The following CA10 variants were observed in gnomAD, a reference collection of about 807,000 sequenced individuals.
The protein encoded by CA10 is carbonic anhydrase-related protein 10.
Under a neutral mutation model 44.2 loss-of-function variants are expected in CA10, and 14 were observed. That is an observed-to-expected ratio of 0.32 (90% CI 0.21 to 0.50). The LOEUF is 0.50. CA10 is among the 20% of genes least tolerant of loss of function. CA10 has a pLI of 0.99. For missense variants in CA10, 350 were observed against 409.7 expected (o/e 0.85, Z 1.26); for synonymous variants, 159 against 141.6 (o/e 1.12, Z -0.87).
chr17:51,828,551 G>A lies in CA10; in HGVS notation c.280-80733C>T, dbSNP rs548329898. The stretch of plus-strand genomic sequence containing the variant: ...TAAAAAAAAAATTTACTGAATGAAC[G>A]AATTCCTAGGACTTATTATAGCCAA... On this transcript the variant is annotated intron_variant, in intron 3 of 8. Transcript: ENST00000451037. Among the ~76,000 whole-genome samples, 34 of 151,882 alleles carry A rather than the reference G, an allele frequency of 2.2e-4. No homozygotes were observed. The South Asian group carries it at 6.5e-3, about 29-fold the overall frequency.
At chr17:51,909,686 G>A (rs1981710448) in intron 3 of CA10, among the ~76,000 whole-genome samples, 1 of 152,018 alleles carries the variant, frequency 6.6e-6, no homozygotes, top group South Asian at 2.1e-4. Context: ...TCAACTGGAG[G>A]CTCAGCTTTT....
intron 3 of CA10, among the ~76,000 whole-genome samples, chr17:51,860,515 AG>A (rs752073523): frequency 7.9e-5 from 12 of 152,206 alleles, no homozygotes; most frequent in Non-Finnish European, 1.5e-4. Context: ...GAATAACTGG[AG>A]GAAAGAACCA....
intron 3 of CA10, among the ~76,000 whole-genome samples, chr17:51,912,422 C>T (rs1463445030): frequency 6.6e-6 from 1 of 152,126 alleles, no homozygotes; most frequent in African/African-American, 2.4e-5. Flanking sequence ...TTCATGCATC[C>T]TGCCAACTTC....
chr17:51,828,134 G>C (rs918210899), intron 3 of CA10, among the ~76,000 whole-genome samples: 2 of 152,198 alleles, frequency 1.3e-5, no homozygotes, highest in African/African-American at 4.8e-5. Flanking sequence ...GAATTCATCT[G>C]TTACTGTGTC....
chr17:51,931,927 A>G (rs918814747), intron 2 of CA10, among the ~76,000 whole-genome samples: 15 of 152,126 alleles, frequency 9.9e-5, no homozygotes, highest in African/African-American at 3.6e-4. Flanking sequence ...TACTAATTTT[A>G]TATCAGTGAA....
chr17:51,633,018 A>G (rs1279738878), intron 8 of CA10, among the ~76,000 whole-genome samples: 1 of 152,200 alleles, frequency 6.6e-6, no homozygotes. Context: ...TCTTTCTTCC[A>G]TATACTTAAA....
At chr17:52,011,745 T>TACAA (rs1437569043) in intron 2 of CA10, among the ~76,000 whole-genome samples, 1 of 152,022 alleles carries the variant, frequency 6.6e-6, no homozygotes, top group Non-Finnish European at 1.5e-5. Context: ...GAGATCATGA[T>TACAA]ACAAACAAGG....
In CA10 at chr17:51,635,065, T is replaced by A. The variant is rs142643540; in HGVS notation, c.789+790A>T. Among the ~76,000 whole-genome samples the A allele has an allele frequency of 4.2e-4, 64 of 152,270 alleles. 2 individuals carry two copies. In the East Asian group the frequency reaches 0.012, roughly 29 times the overall value. On this transcript the variant is annotated intron_variant, in intron 7 of 8. Transcript: ENST00000451037. ...GAAGGTACTGGTAACCCCTAGTTGC[T>A]CAGAATGTGACCTTATTTGGAAATA...
intron 3 of CA10, among the ~76,000 whole-genome samples, chr17:51,802,661 C>T (rs1266658341): frequency 6.6e-6 from 1 of 151,420 alleles, no homozygotes; most frequent in Non-Finnish European, 1.5e-5. Context: ...AGGAAGGTTG[C>T]TGAGTCTGGA....
intron 1 of CA10, among the ~76,000 whole-genome samples, chr17:52,154,049 G>A (rs1255030403): frequency 2.0e-5 from 3 of 152,036 alleles, no homozygotes; most frequent in Admixed American, 6.6e-5. Flanking sequence ...TGATTGACAG[G>A]GTAATGTACA....
chr17:51,685,584 T>C (rs1288025687), intron 4 of CA10, among the ~76,000 whole-genome samples: 1 of 152,188 alleles, frequency 6.6e-6, no homozygotes, highest in Non-Finnish European at 1.5e-5. Context: ...CCCAGATCAC[T>C]GAAGGACTTG....
chr17:51,666,470 C>T (rs934374647), intron 4 of CA10, among the ~76,000 whole-genome samples: 4 of 152,134 alleles, frequency 2.6e-5, no homozygotes, highest in Admixed American at 1.3e-4. Flanking sequence ...TTCTGACACT[C>T]GATTGAAAAC....
chr17:51,809,981 T>A (rs759411342), intron 3 of CA10, among the ~76,000 whole-genome samples: 2 of 152,218 alleles, frequency 1.3e-5, no homozygotes, highest in Non-Finnish European at 2.9e-5. Context: ...TAAGCCATCA[T>A]CCATCTTGGA....
At chr17:51,898,335 T>C (rs560536502) in intron 3 of CA10, among the ~76,000 whole-genome samples, 4 of 152,304 alleles carry the variant, frequency 2.6e-5, no homozygotes, top group East Asian at 3.9e-4. Flanking sequence ...TTAGTTCTGC[T>C]TATGTGATAA....
At chr17:51,907,158 C>T (rs996109719) in intron 3 of CA10, among the ~76,000 whole-genome samples, 101 of 152,248 alleles carry the variant, frequency 6.6e-4, no homozygotes, top group Admixed American at 4.5e-3. Flanking sequence ...AACCTGAATT[C>T]GCCCTCTGCT....
intron 4 of CA10, among the ~76,000 whole-genome samples, chr17:51,726,814 G>C (rs1388047928): frequency 6.6e-6 from 1 of 152,142 alleles, no homozygotes; most frequent in Non-Finnish European, 1.5e-5. Flanking sequence ...GCCAGAAAAA[G>C]ACTTTAGAGA....
At chr17:52,137,997 T>A (rs1459813783) in intron 1 of CA10, among the ~76,000 whole-genome samples, 1 of 152,210 alleles carries the variant, frequency 6.6e-6, no homozygotes, top group African/African-American at 2.4e-5. Context: ...TTACTACACA[T>A]TTAGTAGCTT....
At chr17:51,642,402 T>C (rs1443228713) in intron 6 of CA10, among the ~76,000 whole-genome samples, 1 of 152,192 alleles carries the variant, frequency 6.6e-6, no homozygotes, top group African/African-American at 2.4e-5. Context: ...AACTGAGAAG[T>C]ATAAGGCAGT....
chr17:51,726,760 A>G (rs1311063073), intron 4 of CA10, among the ~76,000 whole-genome samples: 1 of 152,226 alleles, frequency 6.6e-6, no homozygotes, highest in East Asian at 1.9e-4. Flanking sequence ...TATGACAAGC[A>G]TAGAACAGAG....
Sources: gnomAD v4.1 joint callset for allele counts (sites outside exome capture counted in the v4.1 genomes callset) on GRCh38, gnomAD v4.1.1 for gene constraint, MANE v1.5 for transcripts, NCBI Gene and HGNC (gene_info 2026-07-23, HGNC 2026-07-21) for gene names.